Variants in COBL observed in about 807,000 individuals in gnomAD.
COBL encodes the protein cordon-bleu WH2 repeat protein.
Under a neutral mutation model 98.8 loss-of-function variants are expected in COBL, and 51 were observed. The observed-to-expected ratio is 0.52, with a 90% CI of 0.41 to 0.65. COBL has a LOEUF of 0.65. COBL is among the 30% of genes least tolerant of loss of function. COBL has a pLI of 0.00. For missense variants in COBL, 1,617 were observed against 1,617.5 expected (o/e 1.00, Z 0.01); for synonymous variants, 634 against 651.7 (o/e 0.97, Z 0.41).
chr7:51,125,937 G>T lies in COBL; in HGVS notation c.957+10221C>A, dbSNP rs1472167435. Among the ~76,000 whole-genome samples, 12 of 152,162 alleles carry T rather than the reference G, an allele frequency of 7.9e-5. No homozygotes were observed. In the South Asian group the frequency reaches 2.5e-3, roughly 32 times the overall value. On this transcript the variant is annotated intron_variant, in intron 6 of 12. Transcript: ENST00000265136. ...CTTTCCATTTTTCAGCTAAAATTTT[G>T]TAATTTCTATATCGTTTAAGTAAGG...
intron 1 of COBL, among the ~76,000 whole-genome samples, chr7:51,304,564 A>G (rs1487103279): frequency 6.6e-6 from 1 of 152,240 alleles, no homozygotes; most frequent in Admixed American, 6.5e-5. Context: ...TTTCTACCAT[A>G]AGAAAACAAA....
At chr7:51,124,363 G>A (rs1437960293) in intron 6 of COBL, among the ~76,000 whole-genome samples, 2 of 152,004 alleles carry the variant, frequency 1.3e-5, no homozygotes, top group African/African-American at 4.8e-5. Context: ...AATTGATTTA[G>A]CAATTAAAAT....
At chr7:51,105,301 A>G (rs1322635820) in intron 6 of COBL, among the ~76,000 whole-genome samples, 1 of 152,158 alleles carries the variant, frequency 6.6e-6, no homozygotes, top group East Asian at 1.9e-4. Context: ...ACCCTACAGA[A>G]AGACAAGGAC....
chr7:51,172,876 C>T (rs1425948598), intron 5 of COBL, among the ~76,000 whole-genome samples: 3 of 151,996 alleles, frequency 2.0e-5, no homozygotes, highest in Non-Finnish European at 4.4e-5. Context: ...GCAATCTCCA[C>T]CTCCTGGGTT....
At chr7:51,118,278 T>C (rs188185714) in intron 6 of COBL, among the ~76,000 whole-genome samples, 12 of 152,178 alleles carry the variant, frequency 7.9e-5, no homozygotes, top group African/African-American at 2.9e-4. Flanking sequence ...TTTCCAGCGG[T>C]TGGGAGTCCA....
At chr7:51,265,281 T>G (rs1798098497) in intron 1 of COBL, among the ~76,000 whole-genome samples, 1 of 151,734 alleles carries the variant, frequency 6.6e-6, no homozygotes, top group Admixed American at 6.6e-5. Context: ...CAGGTGGGGG[T>G]TGGGAGTTAA....
intron 1 of COBL, among the ~76,000 whole-genome samples, chr7:51,224,928 G>A (rs949434010): frequency 1.2e-4 from 18 of 152,160 alleles, no homozygotes; most frequent in Admixed American, 9.8e-4. Flanking sequence ...TGACCTGTGC[G>A]TGTGGGCGGC....
intron 7 of COBL, among the ~76,000 whole-genome samples, chr7:51,049,089 T>G (rs1056343687): frequency 6.6e-6 from 1 of 152,230 alleles, no homozygotes; most frequent in Admixed American, 6.5e-5. Context: ...CATTAATCTG[T>G]CACAAAAATT....
At chr7:51,221,626 A>C (rs1793647040) in intron 1 of COBL, among the ~76,000 whole-genome samples, 1 of 152,214 alleles carries the variant, frequency 6.6e-6, no homozygotes, top group African/African-American at 2.4e-5. Flanking sequence ...AGAGGTCTAC[A>C]TTAATTATAG....
rs17656599 is a variant in COBL at position 51,029,519 on chromosome 7, G to A, written c.1577C>T (p.Pro526Leu). ...SSIHGASNHCPQDAMIPHGDT... is the reference protein window; with the variant it reads ...SSIHGASNHCLQDAMIPHGDT... Reference sequence around the variant, plus strand: ...GCCGTGAGGGATCATGGCATCCTGTGGGCAGTGGTTGGATGCACCATGGAT... The same window carrying A: ...GCCGTGAGGGATCATGGCATCCTGTAGGCAGTGGTTGGATGCACCATGGAT... Residue 526 changes from proline to leucine, a missense_variant, in exon 10 of 13, where the codon CCA (proline) becomes CTA (leucine). Around this residue, in one of 3 missense-constraint regions of COBL, gnomAD observed 1,304 missense variants for 1,282.0 expected, o/e 1.02. Coordinates refer to ENST00000265136, the MANE Select transcript of COBL (RefSeq NM_015198.5). 157,733 of 1,613,842 alleles carry A rather than the reference G, an allele frequency of 0.098. 8,901 individuals carry two copies. The highest frequency in any genetic ancestry group is 0.14 in the Middle Eastern group (877 of 6,062).
chr7:51,219,889 C>G lies in COBL; in HGVS notation c.97G>C (p.Val33Leu). ...PPPGKAATLH[V>L]HSDQKPPHDG... is the part of the protein sequence containing the mutation. ...TGGGGGGGCTTCTGGTCACTGTGCA[C>G]ATGCAGAGTGGCAGCCTTTCCAGGA... The change falls in exon 2 of 13, where the codon GTG becomes CTG. Residue 33 changes from valine (V) to leucine (L), a missense_variant. Around this residue, in one of 3 missense-constraint regions of COBL, gnomAD observed 238 missense variants for 215.0 expected, o/e 1.11. Transcript: ENST00000265136. The G allele has an allele frequency of 1.9e-6, 3 of 1,612,996 alleles. No homozygotes were observed. Among genetic ancestry groups the G allele is most frequent in the Non-Finnish European group, 2.5e-6 (3 of 1,180,018 alleles).
At chr7:51,141,508 C>T (rs1023962419) in intron 5 of COBL, among the ~76,000 whole-genome samples, 2 of 152,168 alleles carry the variant, frequency 1.3e-5, no homozygotes, top group Non-Finnish European at 2.9e-5. Context: ...GACAGAGCTA[C>T]TCAGGATGGC....
chr7:51,121,551 A>G (rs1443588717), intron 6 of COBL, among the ~76,000 whole-genome samples: 1 of 152,198 alleles, frequency 6.6e-6, no homozygotes, highest in African/African-American at 2.4e-5. Flanking sequence ...TGAGGAGTAA[A>G]TCAAATGTCT....
intron 1 of COBL, among the ~76,000 whole-genome samples, chr7:51,257,757 G>C (rs536180015): frequency 4.7e-4 from 71 of 152,034 alleles, no homozygotes; most frequent in Non-Finnish European, 9.3e-4. Flanking sequence ...CACCAAATAT[G>C]AAAGAATTTG....
At chr7:51,229,267 G>A (rs796362369) in intron 1 of COBL, among the ~76,000 whole-genome samples, 3 of 152,296 alleles carry the variant, frequency 2.0e-5, no homozygotes, top group African/African-American at 4.8e-5. Flanking sequence ...GCTTTTCCCC[G>A]AGCAAGCCCG....
chr7:51,301,000 G>A (rs1004344860), intron 1 of COBL, among the ~76,000 whole-genome samples: 3 of 152,104 alleles, frequency 2.0e-5, no homozygotes, highest in African/African-American at 7.2e-5. Flanking sequence ...AGCTGCCCTT[G>A]GTCACCATGT....
At chr7:51,251,478 C>T (rs781586069) in intron 1 of COBL, among the ~76,000 whole-genome samples, 1 of 152,150 alleles carries the variant, frequency 6.6e-6, no homozygotes, top group South Asian at 2.1e-4. Context: ...ATGACCTCTG[C>T]CGAATGACTC....
chr7:51,109,834 A>G (rs779094095), intron 6 of COBL, among the ~76,000 whole-genome samples: 1 of 152,148 alleles, frequency 6.6e-6, no homozygotes, highest in Non-Finnish European at 1.5e-5. Context: ...CCTTCCACAG[A>G]AACGAAAGGC....
intron 4 of COBL, among the ~76,000 whole-genome samples, chr7:51,190,427 G>A (rs1482806223): frequency 6.6e-6 from 1 of 151,948 alleles, no homozygotes; most frequent in African/African-American, 2.4e-5. Flanking sequence ...TTTTGTCCAG[G>A]CTGGTCTTGA....
Sources: gnomAD v4.1 joint callset for allele counts (sites outside exome capture counted in the v4.1 genomes callset) on GRCh38, gnomAD v4.1.1 for gene constraint, gnomAD v4.1.1 regional missense constraint, MANE v1.5 for transcripts, NCBI Gene and HGNC (gene_info 2026-07-23, HGNC 2026-07-21) for gene names.